CAMSAP1: variants seen among roughly 807,000 people sequenced by gnomAD.
The protein encoded by CAMSAP1 is calmodulin-regulated spectrin-associated protein 1.
Under a neutral mutation model 143.5 loss-of-function variants are expected in CAMSAP1, and 58 were observed. The observed-to-expected ratio is 0.40, with a 90% CI of 0.33 to 0.50. CAMSAP1 has a LOEUF of 0.50. Among genes scored for constraint, CAMSAP1 ranks in the 20% least tolerant of loss-of-function variants. The pLI is 0.45. For synonymous variants in CAMSAP1, 945 were observed against 859.3 expected (o/e 1.10, Z -1.74); for missense variants, 1,969 against 2,115.7 (o/e 0.93, Z 1.36).
rs759521491 is a variant in CAMSAP1 at position 135,822,992 on chromosome 9, G to C, written c.1669C>G (p.Pro557Ala). The C allele has an allele frequency of 6.2e-7, 1 of 1,613,992 alleles. No individual in the cohort carries two copies. The highest frequency in any genetic ancestry group is 1.1e-5 in the South Asian group (1 of 91,074). ...CGGGGTGAGGCCCTGGGGAACTCCGGGTCAGCCTGCTGGGGAACCACGTCT... is the reference window on the plus strand; with the variant it reads ...CGGGGTGAGGCCCTGGGGAACTCCGCGTCAGCCTGCTGGGGAACCACGTCT... ...RADVVPQQAD[P>A]EFPRASPRAL... Residue 557 changes from proline to alanine, a missense_variant, in exon 11 of 17, where the codon CCG (proline) becomes GCG (alanine). Coordinates refer to ENST00000389532, the MANE Select transcript of CAMSAP1 (RefSeq NM_015447.4). This position sits in a 1 kb window ranked among gnomAD's most constrained non-coding sequence, Gnocchi z 6.1.
At chr9:135,898,672 C>A (rs1193459279) in intron 1 of CAMSAP1, among the ~76,000 whole-genome samples, 2 of 152,150 alleles carry the variant, frequency 1.3e-5, no homozygotes. Context: ...CGGTGAGATA[C>A]AACCCACCTA....
intron 7 of CAMSAP1, among the ~76,000 whole-genome samples, chr9:135,839,023 C>T (rs1420978526): frequency 5.9e-5 from 9 of 152,174 alleles, no homozygotes; most frequent in Admixed American, 2.0e-4. Flanking sequence ...CACATTGTTA[C>T]GCACTTTCTA....
rs534948844 is a variant in CAMSAP1 at position 135,900,580 on chromosome 9, A to G, written c.160+6420T>C. On this transcript the variant is annotated intron_variant, in intron 1 of 16. Transcript: ENST00000389532. ...CGTTGTGGCAAGCGCCTGTAGTCCC[A>G]GCTACTCAGGAGGCCGAGGCAGGAG... is the stretch of plus-strand genomic sequence containing the variant. 9.9e-5 allele frequency among the ~76,000 whole-genome samples: 15 copies of G among 151,628 alleles called. 1 individual carries two copies. The East Asian group carries it at 2.5e-3, about 25-fold the overall frequency.
chr9:135,842,232 G>C (rs1836380096), intron 7 of CAMSAP1, among the ~76,000 whole-genome samples: 1 of 152,158 alleles, frequency 6.6e-6, no homozygotes, highest in Non-Finnish European at 1.5e-5. Flanking sequence ...AATCGATCAA[G>C]TGGAAGAAAG....
chr9:135,890,695 T>A (rs1286159576), intron 1 of CAMSAP1, among the ~76,000 whole-genome samples: 1 of 152,176 alleles, frequency 6.6e-6, no homozygotes, highest in Non-Finnish European at 1.5e-5. Flanking sequence ...ACCAGATCTG[T>A]TCCTGTCTCC....
intron 3 of CAMSAP1, among the ~76,000 whole-genome samples, chr9:135,874,574 G>A (rs1837675981): frequency 6.6e-6 from 1 of 150,390 alleles, no homozygotes; most frequent in Non-Finnish European, 1.5e-5. Flanking sequence ...GGTTAATACA[G>A]TAAATGTTTA....
intron 3 of CAMSAP1, among the ~76,000 whole-genome samples, chr9:135,876,534 C>T (rs1013247602): frequency 2.0e-5 from 3 of 152,144 alleles, no homozygotes; most frequent in African/African-American, 4.8e-5. Flanking sequence ...AGAGAAAAGA[C>T]GGACTGTAAC....
chr9:135,828,219 G>T (rs1482406801), intron 7 of CAMSAP1, among the ~76,000 whole-genome samples: 2 of 152,228 alleles, frequency 1.3e-5, no homozygotes, highest in Non-Finnish European at 1.5e-5. Context: ...CTGTATCTAA[G>T]GCTGCTTCCC....
intron 3 of CAMSAP1, among the ~76,000 whole-genome samples, 198 bp from the exon 4 acceptor site, chr9:135,866,734 G>A (rs1202879347): frequency 6.6e-6 from 1 of 152,078 alleles, no homozygotes; most frequent in African/African-American, 2.4e-5. Context: ...GCTACCACCA[G>A]GAAACCACCT....
intron 5 of CAMSAP1, among the ~76,000 whole-genome samples, chr9:135,856,710 C>T (rs529658969): frequency 6.6e-6 from 1 of 152,346 alleles, no homozygotes; most frequent in African/African-American, 2.4e-5. Context: ...AACTATGTAA[C>T]CATCTTCCAC....
Position 135,822,226 on chromosome 9 carries a change from A to T in CAMSAP1, c.2435T>A (p.Val812Glu), listed in dbSNP as rs1440873873. 1 of 1,613,856 alleles carries T rather than the reference A, an allele frequency of 6.2e-7. No individual in the cohort carries two copies. The highest frequency in any genetic ancestry group is 8.5e-7 in the Non-Finnish European group (1 of 1,179,874). The change falls in exon 11 of 17, where the codon GTG (valine) becomes GAG (glutamate). Residue 812 changes from valine (V) to glutamate (E), a missense_variant. Physicochemically the swap from Val to Glu is moderately radical, Grantham distance 121. Coordinates refer to ENST00000389532, the MANE Select transcript of CAMSAP1 (RefSeq NM_015447.4). This position sits in a 1 kb window ranked among gnomAD's most constrained non-coding sequence, Gnocchi z 6.1. ...MSSVSMASGS[V>E]KMTSFAERKL... The stretch of plus-strand genomic sequence containing the variant: ...CCTCTCCGCAAAGCTGGTCATCTTC[A>T]CGCTCCCACTCGCCATGGAGACACT...
At chr9:135,855,747 T>TAA (rs1564442475) in intron 5 of CAMSAP1, among the ~76,000 whole-genome samples, 19 of 107,340 alleles carry the variant, frequency 1.8e-4, no homozygotes, top group African/African-American at 6.9e-4. Flanking sequence ...TCATCTCAAT[T>TAA]TAAAAAAAAA....
chr9:135,833,174 C>T (rs1377126484), intron 7 of CAMSAP1, among the ~76,000 whole-genome samples: 5 of 151,332 alleles, frequency 3.3e-5, no homozygotes, highest in Non-Finnish European at 4.4e-5. Context: ...CTCCGCCTCC[C>T]GGATTCACGC....
At chr9:135,863,091 T>C (rs1393003384) in intron 4 of CAMSAP1, among the ~76,000 whole-genome samples, 6 of 152,242 alleles carry the variant, frequency 3.9e-5, no homozygotes, top group Non-Finnish European at 8.8e-5. Flanking sequence ...CATGAATATT[T>C]AGTTTGAGAA....
chr9:135,838,636 C>T (rs566388999), intron 7 of CAMSAP1, among the ~76,000 whole-genome samples: 220 of 151,032 alleles, frequency 1.5e-3, no homozygotes, highest in Middle Eastern at 7.0e-3. Flanking sequence ...GCACTTTCCA[C>T]CCGTTCTACA....
Position 135,818,737 on chromosome 9 carries a change from G to A in CAMSAP1, c.3960-121C>T, listed in dbSNP as rs113909385. 3,169 of 1,252,004 alleles carry A rather than the reference G, an allele frequency of 2.5e-3. 58 individuals are homozygous for A. The African/African-American group carries it at 0.041, about 16-fold the overall frequency. 77.6% of individuals were successfully genotyped at this position (1,252,004 alleles called of 1,614,324 possible). A position where few individuals can be genotyped will look rare whatever the true frequency, so the allele number is the denominator to read the frequency against. Reference sequence around the variant, plus strand: ...TCCCCGGCCGCTGGGACCAAGAGTGGCCAGCCTCCACAAGCGGGACACAGA... The same window carrying A: ...TCCCCGGCCGCTGGGACCAAGAGTGACCAGCCTCCACAAGCGGGACACAGA... On this transcript the variant is annotated intron_variant, in intron 12 of 16. Transcript: ENST00000389532. This position sits in a 1 kb window ranked among gnomAD's most constrained non-coding sequence, Gnocchi z 7.7.
intron 1 of CAMSAP1, among the ~76,000 whole-genome samples, chr9:135,906,558 T>G (rs966224150): frequency 6.6e-6 from 1 of 152,240 alleles, no homozygotes; most frequent in African/African-American, 2.4e-5. Flanking sequence ...AGCTGACAGC[T>G]TGTAAGCATC....
At chr9:135,887,109 G>A (rs1383951277) in intron 1 of CAMSAP1, among the ~76,000 whole-genome samples, 1 of 152,144 alleles carries the variant, frequency 6.6e-6, no homozygotes, top group Non-Finnish European at 1.5e-5. Flanking sequence ...TGCCCAGGGG[G>A]ACGAGTCATC....
At chr9:135,857,064 T>G (rs772227488) in intron 5 of CAMSAP1, among the ~76,000 whole-genome samples, 5 of 152,172 alleles carry the variant, frequency 3.3e-5, no homozygotes, top group African/African-American at 4.8e-5. Context: ...GCTTGGTCTC[T>G]CCACAGTTAT....
Sources: gnomAD v4.1 joint callset for allele counts (sites outside exome capture counted in the v4.1 genomes callset) on GRCh38, gnomAD v4.1.1 for gene constraint, Gnocchi (gnomAD v3.1) non-coding constraint, MANE v1.5 for transcripts, NCBI Gene and HGNC (gene_info 2026-07-23, HGNC 2026-07-21) for gene names.